The following SLC12A3 variants were observed in gnomAD, a reference collection of about 807,000 sequenced individuals.
The protein encoded by SLC12A3 is solute carrier family 12 member 3.
Under a neutral mutation model 121.0 loss-of-function variants are expected in SLC12A3, and 104 were observed. The observed-to-expected ratio is 0.86, with a 90% CI of 0.73 to 1.01. SLC12A3 has a LOEUF of 1.01. Ranked by LOEUF, SLC12A3 falls within the 50% of genes least tolerant of loss-of-function variation. SLC12A3 has a pLI of 0.00. For missense variants in SLC12A3, 1,328 were observed against 1,356.3 expected, an observed-to-expected ratio of 0.98 and a Z score of 0.33; for synonymous variants, 536 against 533.4, an observed-to-expected ratio of 1.00 and a Z score of -0.07.
rs1375955224 is a variant in SLC12A3, at chr16:56,868,299, T to G, written c.432T>G (p.Ile144Met). Residue 144 changes from isoleucine to methionine, a missense_variant and splice_region_variant, in exon 3 of 26, where the codon ATT (isoleucine) becomes ATG (methionine). Coordinates refer to ENST00000563236, the MANE Select transcript of SLC12A3 (RefSeq NM_001126108.2). The stretch of plus-strand genomic sequence containing the variant: ...CTCTGACCCCCCTGTCCTCCCAGAT[T>G]CGTTGCATGCTCAACATTTGGGGCG... ...VRFGWVKGVM[I>M]RCMLNIWGVI... 1 of 1,614,024 alleles carries G rather than the reference T, an allele frequency of 6.2e-7. No homozygotes were observed. The highest frequency in any genetic ancestry group is 8.5e-7 in the Non-Finnish European group (1 of 1,179,974).
intron 16 of SLC12A3, 133 bp from the exon 17 acceptor site, chr16:56,886,820 T>G: frequency 8.1e-7 from 1 of 1,227,916 alleles, no homozygotes; most frequent in East Asian, 2.5e-5. Context: ...TGTTTTCCCT[T>G]ATCTGGGCAA....
At chr16:56,905,168 C>T (rs1241999545) in intron 25 of SLC12A3, among the ~76,000 whole-genome samples, 1 of 151,786 alleles carries the variant, frequency 6.6e-6, no homozygotes, top group Non-Finnish European at 1.5e-5. Flanking sequence ...GGAGAAACCC[C>T]GTCTCTACTA....
intron 10 of SLC12A3, 40 bp downstream of exon 10, chr16:56,879,267 C>G (rs1462429230): frequency 6.2e-7 from 1 of 1,611,882 alleles, no homozygotes; most frequent in Non-Finnish European, 8.5e-7. Context: ...ACAGTGGGGG[C>G]TGGGTGGAGG....
At chr16:56,880,966 C>T (rs1446238069) in intron 12 of SLC12A3, among the ~76,000 whole-genome samples, 1 of 152,226 alleles carries the variant, frequency 6.6e-6, no homozygotes, top group East Asian at 1.9e-4. Context: ...CATATATGCA[C>T]ACACACTCAT....
chr16:56,894,666 G>C, intron 22 of SLC12A3, 24 bp downstream of exon 22: 1 of 1,570,594 alleles, frequency 6.4e-7, no homozygotes, highest in Non-Finnish European at 8.8e-7. Context: ...GCTGGCCTGG[G>C]GGTGACTGCA....
chr16:56,899,503 A>G (rs774992397), intron 22 of SLC12A3, 27 bp from the exon 23 acceptor site: 20 of 1,575,400 alleles, frequency 1.3e-5, no homozygotes, highest in Non-Finnish European at 1.7e-5. Flanking sequence ...AAAAGTAATA[A>G]CAATAAACCC....
At chr16:56,911,519 C>G (rs1269820787) in intron 25 of SLC12A3, among the ~76,000 whole-genome samples, 1 of 152,100 alleles carries the variant, frequency 6.6e-6, no homozygotes, top group Non-Finnish European at 1.5e-5. Context: ...AAGACAGGGT[C>G]TCACCATGTT....
At chr16:56,870,567 GT>G in intron 5 of SLC12A3, 58 bp from the exon 6 acceptor site, 1 of 1,171,046 alleles carries the variant, frequency 8.5e-7, no homozygotes, top group Non-Finnish European at 1.3e-6. Flanking sequence ...GGTGGGCAGA[GT>G]CTGGGGGATG....
rs1386040480 is a variant in SLC12A3 at position 56,899,540 on chromosome 16, C to G, written c.2644C>G (p.Leu882Val). The G allele has an allele frequency of 6.2e-7, 1 of 1,613,488 alleles. No homozygotes were observed. Among genetic ancestry groups the G allele is most frequent in the East Asian group, 2.2e-5 (1 of 44,878 alleles). ...MDQERKAIIS[L>V]LSKFRLGFHE... is the part of the protein sequence containing the mutation. ...CCATGTGTCCTCCAGGATCATTTCT[C>G]TGCTGAGCAAGTTCCGACTGGGATT... The change falls in exon 23 of 26, where the codon CTG (leucine) becomes GTG (valine). Residue 882 changes from leucine (L) to valine (V), a missense_variant. Transcript: ENST00000563236.
At chr16:56,904,216 A>G in intron 24 of SLC12A3, 179 bp from the exon 25 acceptor site, 1 of 637,180 alleles carries the variant, frequency 1.6e-6, no homozygotes, top group Admixed American at 2.1e-5. Flanking sequence ...TTGGTGCTCC[A>G]TTACTCTGAG....
At chr16:56,893,470 G>A (rs1449151539) in intron 21 of SLC12A3, among the ~76,000 whole-genome samples, 1 of 152,040 alleles carries the variant, frequency 6.6e-6, no homozygotes, top group Non-Finnish European at 1.5e-5. Flanking sequence ...AAATGTCTTC[G>A]CTCCAATGGA....
rs868214128 is a variant in SLC12A3, at chr16:56,872,367, TC to T, written c.871del (p.Val292SerfsTer10). ...EWESKAQVLFFLVIMVSFANY... is the reference protein window; with the variant it reads ...EWESKAQVLFXLVIMVSFANY... The stretch of plus-strand genomic sequence containing the variant: ...CCCCTCCAGGCCCAGGTGCTGTTCT[TC>T]CTTGTCATCATGGTCTCCTTTGCCA... On this transcript the variant is annotated frameshift_variant, in exon 7 of 26. Coordinates refer to ENST00000563236, the MANE Select transcript of SLC12A3 (RefSeq NM_001126108.2). LOFTEE classifies it high-confidence loss of function. 6.2e-7 allele frequency: 1 copy of T among 1,613,786 alleles called. No individual in the cohort carries two copies. Among genetic ancestry groups the T allele is most frequent in the Admixed American group, 1.7e-5 (1 of 60,004 alleles).
At chr16:56,869,921 C>G in intron 4 of SLC12A3, 97 bp downstream of exon 4, 1 of 1,373,706 alleles carries the variant, frequency 7.3e-7, no homozygotes, top group Non-Finnish European at 1.0e-6. Flanking sequence ...TACACCCAGC[C>G]GCTCCTGTGG....
rs1310356347 is a variant in SLC12A3, at chr16:56,882,482, A to C, written c.1654A>C (p.Ile552Leu). The C allele has an allele frequency of 1.2e-5, 20 of 1,613,628 alleles. No homozygotes were observed. Among genetic ancestry groups the C allele is most frequent in the Non-Finnish European group, 1.7e-5 (20 of 1,179,724 alleles). ...LINFSCFHAS[I>L]TNSPGWRPSF... ...CAACTTCAGCTGCTTCCACGCCTCC[A>C]TCACCAACTCGCCTGGTAAGCAAAC... Residue 552 changes from isoleucine (I) to leucine (L), a missense_variant, in exon 13 of 26, where the codon ATC becomes CTC. Transcript: ENST00000563236.
chr16:56,886,271 C>A, intron 15 of SLC12A3, 93 bp from the exon 16 acceptor site: 1 of 884,972 alleles, frequency 1.1e-6, no homozygotes, highest in Non-Finnish European at 1.9e-6. Flanking sequence ...GGTGGCCACA[C>A]CACCATTCAG....
intron 12 of SLC12A3, among the ~76,000 whole-genome samples, chr16:56,880,763 G>A (rs1233587895): frequency 6.6e-6 from 1 of 152,142 alleles, no homozygotes; most frequent in East Asian, 1.9e-4. Flanking sequence ...AGAGAAAAGA[G>A]CCCAGGTAAT....
chr16:56,869,986 C>A (rs1295903868), intron 4 of SLC12A3, 110 bp from the exon 5 acceptor site: 2 of 1,464,176 alleles, frequency 1.4e-6, no homozygotes, highest in Non-Finnish European at 1.9e-6. Flanking sequence ...CCTCAGCTAT[C>A]TCCTGCCCCG....
chr16:56,904,388 C>G lies in SLC12A3; in HGVS notation c.2857-7C>G. On this transcript the variant is annotated splice_polypyrimidine_tract_variant and splice_region_variant and intron_variant, in intron 24 of 25. Coordinates refer to ENST00000563236, the MANE Select transcript of SLC12A3 (RefSeq NM_001126108.2). Reference sequence around the variant, plus strand: ...GGGAAGTGACCACTCGGCTTTCTCCCGCCCAGTCCCTTCGGCAGGTGAGGC... The same window carrying G: ...GGGAAGTGACCACTCGGCTTTCTCCGGCCCAGTCCCTTCGGCAGGTGAGGC... 1 of 1,613,752 alleles carries G rather than the reference C, an allele frequency of 6.2e-7. No homozygotes were observed. Among genetic ancestry groups the G allele is most frequent in the South Asian group, 1.1e-5 (1 of 91,072 alleles).
intron 3 of SLC12A3, among the ~76,000 whole-genome samples, chr16:56,868,900 A>T (rs1964423604): frequency 6.6e-6 from 1 of 151,872 alleles, no homozygotes; most frequent in Admixed American, 6.6e-5. Context: ...TGAACCTGGG[A>T]GGCAGAGGCT....
Sources: gnomAD v4.1 joint callset for allele counts (sites outside exome capture counted in the v4.1 genomes callset) on GRCh38, gnomAD v4.1.1 for gene constraint, MANE v1.5 for transcripts, NCBI Gene and HGNC (gene_info 2026-07-23, HGNC 2026-07-21) for gene names.